Variants in SLC35D4 observed in about 807,000 individuals in gnomAD.
SLC35D4 encodes solute carrier family 35 member D4, also known as UDP-N-acetylglucosamine transporter SLC35D4.
the SLC35D4 span, among the ~76,000 whole-genome samples, chr18:23,252,392 A>G: frequency 6.6e-6 from 1 of 152,246 alleles, no homozygotes; most frequent in Non-Finnish European, 1.5e-5. Flanking sequence ...TTTTACCACC[A>G]TTTAAAAAAC....
the SLC35D4 span, among the ~76,000 whole-genome samples, chr18:23,272,534 G>A: frequency 6.6e-6 from 1 of 152,122 alleles, no homozygotes; most frequent in Non-Finnish European, 1.5e-5. Flanking sequence ...TGGTGAGTTT[G>A]GGGATGAGTA....
chr18:23,408,706 CAACA>C, the SLC35D4 span, among the ~76,000 whole-genome samples: 1 of 151,734 alleles, frequency 6.6e-6, no homozygotes. Context: ...ACTGTGACAA[CAACA>C]AACTAACTGC....
the SLC35D4 span, among the ~76,000 whole-genome samples, chr18:23,434,636 AT>A: frequency 6.6e-6 from 1 of 152,134 alleles, no homozygotes; most frequent in African/African-American, 2.4e-5. Flanking sequence ...ATTAAAAAAA[AT>A]ACAAAAATTA....
At chr18:23,256,561 A>G in the SLC35D4 span, among the ~76,000 whole-genome samples, 18 of 151,684 alleles carry the variant, frequency 1.2e-4, no homozygotes, top group African/African-American at 4.1e-4. Flanking sequence ...ACTCACTGCA[A>G]CCTCCACCTC....
the SLC35D4 span, chr18:23,368,698 T>C: frequency 7.6e-7 from 1 of 1,322,684 alleles, no homozygotes; most frequent in African/African-American, 1.5e-5. Context: ...TCTTTAAAAA[T>C]GTAAATTATA....
chr18:23,285,196 A>G, the SLC35D4 span, among the ~76,000 whole-genome samples: 1 of 150,354 alleles, frequency 6.7e-6, no homozygotes, highest in East Asian at 2.0e-4. Context: ...CCTTATTTCC[A>G]TGCCCCGACC....
the SLC35D4 span, chr18:23,385,017 A>C: frequency 6.2e-7 from 1 of 1,613,836 alleles, no homozygotes; most frequent in Non-Finnish European, 8.5e-7. Flanking sequence ...TCTGGTACCC[A>C]CAGATGATAA....
At chr18:23,383,669 C>G in the SLC35D4 span, among the ~76,000 whole-genome samples, 1 of 151,878 alleles carries the variant, frequency 6.6e-6, no homozygotes, top group African/African-American at 2.4e-5. Context: ...TTTTCCCGTG[C>G]GAGGGATGGT....
the SLC35D4 span, among the ~76,000 whole-genome samples, chr18:23,354,124 C>T: frequency 6.6e-6 from 1 of 152,100 alleles, no homozygotes; most frequent in Non-Finnish European, 1.5e-5. Flanking sequence ...AAAGGGAGCT[C>T]CAAACTCTTC....
the SLC35D4 span, among the ~76,000 whole-genome samples, chr18:23,240,130 C>CAA: frequency 6.6e-6 from 1 of 152,040 alleles, no homozygotes; most frequent in Non-Finnish European, 1.5e-5. Flanking sequence ...CAAAACAAAA[C>CAA]AAAAACAGCG....
At chr18:23,402,696 T>C in the SLC35D4 span, among the ~76,000 whole-genome samples, 1 of 151,922 alleles carries the variant, frequency 6.6e-6, no homozygotes, top group Non-Finnish European at 1.5e-5. Flanking sequence ...CTCAGCTACT[T>C]GGGAGGCTAA....
At chr18:23,273,683 C>T in the SLC35D4 span, among the ~76,000 whole-genome samples, 884 of 152,174 alleles carry the variant, frequency 5.8e-3, 12 homozygotes, top group African/African-American at 0.02. Context: ...GATATGGAAG[C>T]GCTAATGGAT....
chr18:23,420,384 A>AT, the SLC35D4 span, among the ~76,000 whole-genome samples: 1 of 151,828 alleles, frequency 6.6e-6, no homozygotes, highest in African/African-American at 2.4e-5. Context: ...ATAGGTAGGA[A>AT]TTTTTTTTGA....
the SLC35D4 span, among the ~76,000 whole-genome samples, chr18:23,277,734 G>A: frequency 6.6e-6 from 1 of 152,278 alleles, no homozygotes; most frequent in South Asian, 2.1e-4. Flanking sequence ...CAGGCAGGGT[G>A]AAGGAGTCAA....
At chr18:23,421,430 A>C in the SLC35D4 span, 1 of 1,614,030 alleles carries the variant, frequency 6.2e-7, no homozygotes, top group Non-Finnish European at 8.5e-7. Flanking sequence ...AAGTCCACCA[A>C]TGAGCGTCTG....
chr18:23,358,258 G>T, the SLC35D4 span, among the ~76,000 whole-genome samples: 1 of 152,278 alleles, frequency 6.6e-6, no homozygotes, highest in Non-Finnish European at 1.5e-5. Context: ...AGAGGGAGAC[G>T]AATGAAACTT....
the SLC35D4 span, among the ~76,000 whole-genome samples, chr18:23,274,321 C>A: frequency 6.6e-6 from 1 of 152,310 alleles, no homozygotes; most frequent in African/African-American, 2.4e-5. Flanking sequence ...GGCTGCTGAG[C>A]CCTCAGCGGT....
chr18:23,279,030 T>A, the SLC35D4 span, among the ~76,000 whole-genome samples: 2 of 145,734 alleles, frequency 1.4e-5, no homozygotes, highest in African/African-American at 2.6e-5. Flanking sequence ...AAAAAAAAAA[T>A]TAAAAAAGAA....
the SLC35D4 span, among the ~76,000 whole-genome samples, chr18:23,291,191 G>C: frequency 6.6e-6 from 1 of 152,218 alleles, no homozygotes; most frequent in African/African-American, 2.4e-5. Context: ...CGTCTGGGCT[G>C]AGGTCAGCTG....
Sources: gnomAD v4.1 joint callset for allele counts (sites outside exome capture counted in the v4.1 genomes callset) on GRCh38, gnomAD v4.1.1 for gene constraint, MANE v1.5 for transcripts, NCBI Gene and HGNC (gene_info 2026-07-23, HGNC 2026-07-21) for gene names.